Variants in GABRB1 observed in about 807,000 individuals in gnomAD.
GABRB1 encodes the protein gamma-aminobutyric acid type A receptor subunit beta1, also known as gamma-aminobutyric acid receptor subunit beta-1.
Under a neutral mutation model 51.6 loss-of-function variants are expected in GABRB1, and 17 were observed. The observed-to-expected ratio is 0.33, with a 90% CI of 0.23 to 0.49. The LOEUF is 0.49. GABRB1 is among the 20% of genes least tolerant of loss of function. The probability of loss-of-function intolerance (pLI) is 0.99; values close to 1 mark genes in which losing one functional copy is unlikely to be tolerated. For missense variants in GABRB1, 410 were observed against 600.6 expected (o/e 0.68, Z 3.32); for synonymous variants, 247 against 218.9 (o/e 1.13, Z -1.14).
chr4:47,177,305 A>T (rs2109764036), intron 4 of GABRB1, among the ~76,000 whole-genome samples: 1 of 152,244 alleles, frequency 6.6e-6, no homozygotes, highest in South Asian at 2.1e-4. Flanking sequence ...CTATAGTTTT[A>T]AGTAATATTT....
At chr4:47,126,708 T>C (rs1453078064) in intron 3 of GABRB1, among the ~76,000 whole-genome samples, 1 of 152,024 alleles carries the variant, frequency 6.6e-6, no homozygotes, top group African/African-American at 2.4e-5. Flanking sequence ...AATCAGACTA[T>C]GGAATGTTTT....
intron 5 of GABRB1, among the ~76,000 whole-genome samples, chr4:47,377,550 A>C (rs1337181107): frequency 6.6e-6 from 1 of 152,010 alleles, no homozygotes; most frequent in African/African-American, 2.4e-5. Context: ...AAAGAGCAAA[A>C]GAACAAAGCT....
chr4:47,391,657 G>A (rs1727996752), intron 5 of GABRB1, among the ~76,000 whole-genome samples: 1 of 152,196 alleles, frequency 6.6e-6, no homozygotes, highest in Non-Finnish European at 1.5e-5. Context: ...AGACTTACCT[G>A]TAAGGCCTCT....
intron 4 of GABRB1, among the ~76,000 whole-genome samples, chr4:47,269,685 G>T (rs1490224133): frequency 3.3e-5 from 5 of 151,450 alleles, no homozygotes; most frequent in Admixed American, 6.6e-5. Flanking sequence ...CCGTGTCTTT[G>T]TCATGCCAAA....
intron 4 of GABRB1, among the ~76,000 whole-genome samples, chr4:47,233,511 C>A (rs1344905237): frequency 6.6e-6 from 1 of 152,084 alleles, no homozygotes; most frequent in East Asian, 1.9e-4. Flanking sequence ...ACATTTTTAA[C>A]AAAGTTTTTT....
At chr4:47,141,325 T>C (rs1057334066) in intron 3 of GABRB1, among the ~76,000 whole-genome samples, 1 of 151,926 alleles carries the variant, frequency 6.6e-6, no homozygotes, top group Non-Finnish European at 1.5e-5. Context: ...ACAAGTAGCT[T>C]ATGCACATGC....
chr4:47,270,465 T>C (rs1401582006), intron 4 of GABRB1, among the ~76,000 whole-genome samples: 1 of 152,230 alleles, frequency 6.6e-6, no homozygotes, highest in South Asian at 2.1e-4. Context: ...GCTCTGCTTC[T>C]AAAGTGGGAA....
At chr4:47,337,358 T>C (rs1298530749) in intron 5 of GABRB1, among the ~76,000 whole-genome samples, 2 of 152,086 alleles carry the variant, frequency 1.3e-5, no homozygotes, top group Admixed American at 1.3e-4. Flanking sequence ...AAGCTATGTT[T>C]GTAAGGGAGA....
intron 3 of GABRB1, among the ~76,000 whole-genome samples, chr4:47,039,253 C>T (rs1174671729): frequency 6.6e-6 from 1 of 150,766 alleles, no homozygotes; most frequent in Non-Finnish European, 1.5e-5. Context: ...GTATCTTTCC[C>T]TGTCTCTCAC....
rs561010221 is a variant in GABRB1 at position 47,387,508 on chromosome 4, A to T, written c.545-15810A>T. 6.6e-5 allele frequency among the ~76,000 whole-genome samples: 10 copies of T among 152,316 alleles called. No homozygotes were observed. The South Asian group carries it at 2.1e-3, about 32-fold the overall frequency. On this transcript the variant is annotated intron_variant, in intron 5 of 8. Transcript: ENST00000295454. ...ACTCAATAGGCTAAAATAGTAAGTC[A>T]AATTGAATTAGATAAAATTATCAAA...
rs142242255 is a variant in GABRB1, at chr4:46,995,189, TAAAC to T, written c.-20+1267_-20+1270del. Among the ~76,000 whole-genome samples, 865 of 152,298 alleles carry T rather than the reference TAAAC, an allele frequency of 5.7e-3. 10 individuals are homozygous for T. Among genetic ancestry groups the T allele is most frequent in the African/African-American group, 0.019 (799 of 41,556 alleles). On this transcript the variant is annotated intron_variant, in intron 1 of 3. Transcript: ENST00000513567. Reference sequence around the variant, plus strand: ...AATAAATATTTATTGAATGAACAATTAAACAAAGCAATGAATTGCTTGTTCTCAG... The same window carrying T: ...AATAAATATTTATTGAATGAACAATTAAAGCAATGAATTGCTTGTTCTCAG...
chr4:47,364,702 C>A (rs1010686891), intron 5 of GABRB1, among the ~76,000 whole-genome samples: 1 of 150,776 alleles, frequency 6.6e-6, no homozygotes, highest in Non-Finnish European at 1.5e-5. Flanking sequence ...GGGCTAGAAC[C>A]AGAGAGATAA....
At chr4:47,181,902 A>C (rs1280739660) in intron 4 of GABRB1, among the ~76,000 whole-genome samples, 1 of 152,012 alleles carries the variant, frequency 6.6e-6, no homozygotes, top group Non-Finnish European at 1.5e-5. Context: ...CCAAACTTCT[A>C]GCGGGGAGTG....
At chr4:47,151,365 A>C (rs1304198284) in intron 3 of GABRB1, among the ~76,000 whole-genome samples, 1 of 152,072 alleles carries the variant, frequency 6.6e-6, no homozygotes, top group Non-Finnish European at 1.5e-5. Flanking sequence ...ACAAAATCAC[A>C]AATCATAAGA....
At chr4:47,257,788 T>C (rs921882158) in intron 4 of GABRB1, among the ~76,000 whole-genome samples, 1 of 151,924 alleles carries the variant, frequency 6.6e-6, no homozygotes, top group African/African-American at 2.4e-5. Flanking sequence ...TTGTTCTAAG[T>C]GACCATATAT....
intron 4 of GABRB1, among the ~76,000 whole-genome samples, chr4:47,216,339 G>A (rs1174878315): frequency 6.6e-6 from 1 of 151,816 alleles, no homozygotes; most frequent in African/African-American, 2.4e-5. Flanking sequence ...GTGACATACA[G>A]TTTTCTACCC....
intron 5 of GABRB1, among the ~76,000 whole-genome samples, chr4:47,338,829 C>G (rs538669536): frequency 6.6e-6 from 1 of 152,292 alleles, no homozygotes; most frequent in Admixed American, 6.5e-5. Flanking sequence ...CACTGAACAA[C>G]TCTACCTCAT....
chr4:47,318,745 A>G (rs1480006999), intron 4 of GABRB1, among the ~76,000 whole-genome samples: 1 of 152,090 alleles, frequency 6.6e-6, no homozygotes, highest in Non-Finnish European at 1.5e-5. Context: ...GTGTGAGAGT[A>G]ACTAAAATTC....
intron 4 of GABRB1, among the ~76,000 whole-genome samples, chr4:47,164,182 T>C (rs1718076834): frequency 6.6e-6 from 1 of 151,988 alleles, no homozygotes; most frequent in African/African-American, 2.4e-5. Flanking sequence ...GGATTACAAT[T>C]TGGATTACAA....
Sources: gnomAD v4.1 joint callset for allele counts (sites outside exome capture counted in the v4.1 genomes callset) on GRCh38, gnomAD v4.1.1 for gene constraint, MANE v1.5 for transcripts, NCBI Gene and HGNC (gene_info 2026-07-23, HGNC 2026-07-21) for gene names.